Variants in ATAD3B observed in about 807,000 individuals in gnomAD.
ATAD3B encodes ATPase family AAA domain-containing protein 3B.
A neutral mutation model predicts 70.2 loss-of-function variants in ATAD3B; 59 were observed. The observed-to-expected ratio is 0.84, with a 90% CI of 0.68 to 1.04. The LOEUF is 1.04. Ranked by LOEUF, ATAD3B falls within the 50% of genes least tolerant of loss-of-function variation. ATAD3B has a pLI of 0.00. For synonymous variants in ATAD3B, 423 were observed against 388.6 expected, an observed-to-expected ratio of 1.09 and a Z score of -1.04; for missense variants, 961 against 913.4, an observed-to-expected ratio of 1.05 and a Z score of -0.67.
rs148810475 is a variant in ATAD3B, at chr1:1,495,541, T to G, written c.1671T>G (p.Cys557Trp). Reference sequence around the variant, plus strand: ...TCACTGAGGCCATGATGGACGCCTGTGTGCAAGATGCTGTCCAGCAGTACC... The same window carrying G: ...TCACTGAGGCCATGATGGACGCCTGGGTGCAAGATGCTGTCCAGCAGTACC... Reference protein sequence around the residue: ...GVLTEAMMDACVQDAVQQYRQ... With the variant: ...GVLTEAMMDAWVQDAVQQYRQ... Residue 557 changes from cysteine (C) to tryptophan (W), a missense_variant, in exon 16 of 16, where the codon TGT (cysteine) becomes TGG (tryptophan). By Grantham distance (215) the Cys-to-Trp change is radical (BLOSUM62 -2). Coordinates refer to ENST00000673477, the MANE Select transcript of ATAD3B (RefSeq NM_031921.6). 458 of 1,612,758 alleles carry G rather than the reference T, an allele frequency of 2.8e-4. 7 individuals are homozygous for G. The highest frequency in any genetic ancestry group is 3.5e-4 in the Non-Finnish European group (414 of 1,179,196).
At chr1:1,508,294 G>C in the ATAD3B span, among the ~76,000 whole-genome samples, 1 of 151,428 alleles carries the variant, frequency 6.6e-6, no homozygotes, top group East Asian at 1.9e-4. Context: ...CTCTTGGCGA[G>C]GGATGGGCGC....
chr1:1,499,845 C>G (rs1253304528), downstream of ATAD3B, among the ~76,000 whole-genome samples: 1 of 151,052 alleles, frequency 6.6e-6, no homozygotes, highest in Non-Finnish European at 1.5e-5. Context: ...CCACCCACCT[C>G]GGCCTCCCGA....
At chr1:1,497,977 C>T (rs1640844222), downstream of ATAD3B, 1 of 151,326 alleles carries the variant, frequency 6.6e-6, no homozygotes, top group African/African-American at 2.4e-5. Flanking sequence ...AACAGCATGG[C>T]CAACATGGTG....
rs779886296 is a variant in ATAD3B, at chr1:1,471,853, CCGGCGGCGGTAGCGG to C, written c.-21_-7del. ...CCCGAGTCAGACTCGGGTGGGGGTCCCGGCGGCGGTAGCGGCGGCGGCGGTGCGAGCATGTCGTGG... is the reference window on the plus strand; with the variant it reads ...CCCGAGTCAGACTCGGGTGGGGGTCCCGGCGGCGGTGCGAGCATGTCGTGG... On this transcript the variant is annotated 5_prime_UTR_variant, in exon 1 of 16. Coordinates refer to ENST00000673477, the MANE Select transcript of ATAD3B (RefSeq NM_031921.6). 80 of 1,274,052 alleles carry C rather than the reference CCGGCGGCGGTAGCGG, an allele frequency of 6.3e-5. 1 individual carries two copies. The highest frequency in any genetic ancestry group is 6.2e-4 in the Middle Eastern group (2 of 3,238). 78.9% of individuals were successfully genotyped at this position (1,274,052 alleles called of 1,614,324 possible).
downstream of ATAD3B, among the ~76,000 whole-genome samples, chr1:1,501,999 C>T (rs1640954864): frequency 6.6e-6 from 1 of 151,948 alleles, no homozygotes; most frequent in South Asian, 2.1e-4. Context: ...CTGGCTCAGC[C>T]TCCCGTGTAG....
At chr1:1,500,178 G>A (rs1291680546), downstream of ATAD3B, among the ~76,000 whole-genome samples, 8 of 151,216 alleles carry the variant, frequency 5.3e-5, no homozygotes, top group East Asian at 5.9e-4. Flanking sequence ...GATTACAGGC[G>A]TGAGCCACCG....
chr1:1,499,279 C>CTT (rs752359726), downstream of ATAD3B, among the ~76,000 whole-genome samples: 36 of 113,834 alleles, frequency 3.2e-4, 1 homozygote, highest in South Asian at 1.2e-3. Flanking sequence ...CCTGGAATAC[C>CTT]TTTTTTTTTT....
chr1:1,487,687 T>A (rs1056996934), intron 11 of ATAD3B, among the ~76,000 whole-genome samples, 176 bp from the exon 12 acceptor site: 1 of 151,910 alleles, frequency 6.6e-6, no homozygotes, highest in Non-Finnish European at 1.5e-5. Context: ...CGTGGTCAGC[T>A]GCCCAGAGGC....
downstream of ATAD3B, among the ~76,000 whole-genome samples, chr1:1,499,279 CTTTTTTT>C (rs752359726): frequency 3.5e-5 from 4 of 113,838 alleles, no homozygotes; most frequent in African/African-American, 1.4e-4. Context: ...CCTGGAATAC[CTTTTTTT>C]TTTTTTTTTT....
Position 1,486,252 on chromosome 1 carries a change from G to C in ATAD3B, c.1089+17G>C. The C allele has an allele frequency of 6.2e-7, 1 of 1,612,580 alleles. No homozygotes were observed. Among genetic ancestry groups the C allele is most frequent in the Middle Eastern group, 1.7e-4 (1 of 5,974 alleles). On this transcript the variant is annotated intron_variant, in intron 10 of 15. Coordinates refer to ENST00000673477, the MANE Select transcript of ATAD3B (RefSeq NM_031921.6). Reference sequence around the variant, plus strand: ...TTTGCCAAGGTGAGAGCGCCTGGCTGAACAGGTGGGCCAGGGGCCGCTGGG... The same window carrying C: ...TTTGCCAAGGTGAGAGCGCCTGGCTCAACAGGTGGGCCAGGGGCCGCTGGG...
Position 1,480,855 on chromosome 1 carries a change from GCTT to G in ATAD3B, c.445-6_445-4del, listed in dbSNP as rs202103056. 0.022 allele frequency: 34,399 copies of G among 1,594,428 alleles called. 4,726 individuals carry two copies. The highest frequency in any genetic ancestry group is 0.19 in the Admixed American group (10,788 of 56,722). On this transcript the variant is annotated splice_polypyrimidine_tract_variant and intron_variant, in intron 4 of 15. Coordinates refer to ENST00000673477, the MANE Select transcript of ATAD3B (RefSeq NM_031921.6). ...TTAAAGGCTTTTCTCTTTTTCTGCG[GCTT>G]CTTCTCAGCAACTTCTCAATGAGGA...
chr1:1,495,327 C>T (rs819984), intron 15 of ATAD3B, among the ~76,000 whole-genome samples, 158 bp from the exon 16 acceptor site: 23,836 of 152,000 alleles, frequency 0.16, 4,525 homozygotes, highest in East Asian at 0.46. Flanking sequence ...AGTGTCCACA[C>T]GCGTGCTGGG....
chr1:1,505,253 CAG>C, the ATAD3B span, among the ~76,000 whole-genome samples: 13 of 152,198 alleles, frequency 8.5e-5, no homozygotes, highest in East Asian at 2.1e-3. Context: ...GCAGCCGAGG[CAG>C]AGAGAGGGAG....
chr1:1,485,708 C>T, intron 8 of ATAD3B, 74 bp from the exon 9 acceptor site: 2 of 1,596,272 alleles, frequency 1.3e-6, no homozygotes, highest in Non-Finnish European at 8.6e-7. Flanking sequence ...TGTTACCGAG[C>T]ATGTGTGTGC....
chr1:1,477,334 A>G lies in ATAD3B; in HGVS notation c.266A>G (p.Gln89Arg). ...CAGGAGCAGACGCTGCAGTTGGAGC[A>G]ACAGTCCAAGCTCAAAGTGAGTGGG... is the stretch of plus-strand genomic sequence containing the variant. The part of the protein sequence containing the change: ...QMQEQTLQLE[Q>R]QSKLKEYEAA... The change falls in exon 2 of 16, where the codon CAA becomes CGA. Residue 89 changes from glutamine to arginine, a missense_variant. By Grantham distance (43) the Gln-to-Arg change is conservative (BLOSUM62 1). Coordinates refer to ENST00000673477, the MANE Select transcript of ATAD3B (RefSeq NM_031921.6). 6.2e-7 allele frequency: 1 copy of G among 1,612,244 alleles called. No homozygotes were observed. Among genetic ancestry groups the G allele is most frequent in the Non-Finnish European group, 8.5e-7 (1 of 1,179,716 alleles).
chr1:1,505,925 T>C, the ATAD3B span, among the ~76,000 whole-genome samples: 2 of 152,218 alleles, frequency 1.3e-5, no homozygotes, highest in East Asian at 3.9e-4. Context: ...CCTCGGTCTC[T>C]TGCCTCAGCA....
At chr1:1,492,911 C>T (rs1640607643) in intron 15 of ATAD3B, among the ~76,000 whole-genome samples, 2 of 150,390 alleles carry the variant, frequency 1.3e-5, no homozygotes, top group African/African-American at 2.5e-5. Context: ...TGCACTCCAT[C>T]CTGGGTGTCA....
chr1:1,482,822 G>A (rs3979435), intron 7 of ATAD3B: 32 of 709,874 alleles, frequency 4.5e-5, no homozygotes, highest in Non-Finnish European at 6.7e-5. Flanking sequence ...TGGGCCACAC[G>A]GTGAGACCCC....
chr1:1,485,246 G>A lies in ATAD3B; in HGVS notation c.906+75G>A, dbSNP rs748251104. The A allele has an allele frequency of 4.4e-5, 69 of 1,571,964 alleles. 1 individual carries two copies. The highest frequency in any genetic ancestry group is 2.1e-4 in the South Asian group (18 of 86,318). On this transcript the variant is annotated intron_variant, in intron 8 of 15. Transcript: ENST00000673477. ...CTTCTGCCCCACGAGCACAGCCCAC[G>A]CACACCCTCCCGTCCCTTCCCTTTC... is the stretch of plus-strand genomic sequence containing the variant.
Sources: allele counts gnomAD v4.1 joint callset (sites outside exome capture counted in the v4.1 genomes callset), GRCh38; gene constraint gnomAD v4.1.1; transcripts MANE v1.5; gene names NCBI Gene and HGNC (gene_info 2026-07-23, HGNC 2026-07-21).